SCFD1: variants seen among roughly 807,000 people sequenced by gnomAD.
SCFD1 encodes the protein sec1 family domain containing 1.
A neutral mutation model predicts 103.2 loss-of-function variants in SCFD1; 37 were observed. That is an observed-to-expected ratio of 0.36 (90% CI 0.28 to 0.47). The LOEUF (loss-of-function observed/expected upper bound fraction) is 0.47. SCFD1 is among the 20% of genes least tolerant of loss of function. The probability of loss-of-function intolerance (pLI) is 1.00; values close to 1 mark genes in which losing one functional copy is unlikely to be tolerated. For missense variants in SCFD1, 639 were observed against 761.2 expected, an observed-to-expected ratio of 0.84 and a Z score of 1.89; for synonymous variants, 264 against 245.0, an observed-to-expected ratio of 1.08 and a Z score of -0.73.
At chr14:30,638,303 C>A in intron 5 of SCFD1, 56 bp downstream of exon 5, 1 of 1,608,618 alleles carries the variant, frequency 6.2e-7, no homozygotes. Flanking sequence ...TAACACTGTT[C>A]TGAAACCCGT....
chr14:30,682,742 T>G (rs1224853677), intron 14 of SCFD1, among the ~76,000 whole-genome samples: 6 of 152,116 alleles, frequency 3.9e-5, no homozygotes, highest in Non-Finnish European at 8.8e-5. Flanking sequence ...GAATTAAACA[T>G]GTGAAGAAGT....
intron 14 of SCFD1, among the ~76,000 whole-genome samples, chr14:30,684,215 T>TACC (rs1446544224): frequency 6.6e-6 from 1 of 152,240 alleles, no homozygotes; most frequent in East Asian, 1.9e-4. Context: ...AAGTCTATGT[T>TACC]ACCCAGGCTG....
At chr14:30,627,223 C>A (rs1883562413) in intron 1 of SCFD1, among the ~76,000 whole-genome samples, 1 of 152,090 alleles carries the variant, frequency 6.6e-6, no homozygotes, top group Admixed American at 6.5e-5. Flanking sequence ...CTGTAACAGA[C>A]CCGTAACTGT....
chr14:30,633,673 A>G (rs229153), intron 3 of SCFD1, among the ~76,000 whole-genome samples: 1,764 of 152,242 alleles, frequency 0.012, 33 homozygotes, highest in African/African-American at 0.04. Context: ...ATTCAAGGAG[A>G]GTGTTGGTAG....
At chr14:30,650,179 C>T (rs1886264244) in intron 8 of SCFD1, among the ~76,000 whole-genome samples, 1 of 152,140 alleles carries the variant, frequency 6.6e-6, no homozygotes, top group Non-Finnish European at 1.5e-5. Flanking sequence ...GCTTCTTGTA[C>T]CCACCACTAC....
chr14:30,703,483 T>G (rs1891214474), intron 17 of SCFD1, among the ~76,000 whole-genome samples: 1 of 151,514 alleles, frequency 6.6e-6, no homozygotes, highest in Non-Finnish European at 1.5e-5. Flanking sequence ...TAATTCCAAA[T>G]AGTAGAATTT....
intron 14 of SCFD1, chr14:30,682,969 C>G: frequency 1.4e-6 from 1 of 702,406 alleles, no homozygotes; most frequent in Non-Finnish European, 2.3e-6. Flanking sequence ...AGAGTCTATA[C>G]AGAAATCACA....
intron 3 of SCFD1, among the ~76,000 whole-genome samples, chr14:30,632,218 G>T (rs1884245836): frequency 6.6e-6 from 1 of 152,010 alleles, no homozygotes; most frequent in African/African-American, 2.4e-5. Flanking sequence ...ATATTGAATT[G>T]AAATGTACTC....
chr14:30,692,719 G>T (rs993693687), intron 14 of SCFD1, among the ~76,000 whole-genome samples: 10 of 152,094 alleles, frequency 6.6e-5, no homozygotes, highest in Admixed American at 3.9e-4. Context: ...TGGATCAGAG[G>T]GCCTGAAAGT....
chr14:30,673,353 A>G lies in SCFD1; in HGVS notation c.1086+6A>G, dbSNP rs770557122. The G allele has an allele frequency of 7.0e-7, 1 of 1,438,244 alleles. No homozygotes were observed. Among genetic ancestry groups the G allele is most frequent in the African/African-American group, 1.4e-5 (1 of 71,458 alleles). 89.1% of individuals were successfully genotyped at this position (1,438,244 alleles called of 1,614,324 possible). A position where few individuals can be genotyped will look rare whatever the true frequency, so the allele number is the denominator to read the frequency against. On this transcript the variant is annotated splice_donor_region_variant and intron_variant, in intron 12 of 24. Transcript: ENST00000458591. Reference sequence around the variant, plus strand: ...AACGACTTAAAAGCATTATGGTAAGATTCTATTTGCTTTCTAAGAATTATA... The same window carrying G: ...AACGACTTAAAAGCATTATGGTAAGGTTCTATTTGCTTTCTAAGAATTATA...
In SCFD1 at chr14:30,734,214, G is replaced by C. The variant is rs953273092; in HGVS notation, c.1837-576G>C. Among the ~76,000 whole-genome samples the C allele has an allele frequency of 7.2e-5, 11 of 152,230 alleles. No homozygotes were observed. In the South Asian group the frequency reaches 1.5e-3, roughly 20 times the overall value. ...AAGAAATCTCATGAATTTACCTTCA[G>C]GTTCACGATACATACAAGAAATTAG... On this transcript the variant is annotated intron_variant, in intron 23 of 24. Coordinates refer to ENST00000458591, the MANE Select transcript of SCFD1 (RefSeq NM_016106.4).
At position 30,673,309 on chromosome 14, in the gene SCFD1, G is replaced by A; in HGVS notation, c.1048G>A (p.Ala350Thr). The change falls in exon 12 of 25, where the codon GCA becomes ACA. Residue 350 changes from alanine (A) to threonine (T), a missense_variant. Coordinates refer to ENST00000458591, the MANE Select transcript of SCFD1 (RefSeq NM_016106.4). ...SVQQELESYRAQEDEVKRLKS... is the reference protein window; with the variant it reads ...SVQQELESYRTQEDEVKRLKS... ...TCAGCAAGAACTAGAATCTTACAGA[G>A]CACAGGAAGATGAGGTCAAACGACT... is the stretch of plus-strand genomic sequence containing the variant. The A allele has an allele frequency of 1.9e-6, 3 of 1,598,732 alleles. No individual in the cohort carries two copies. The highest frequency in any genetic ancestry group is 2.6e-6 in the Non-Finnish European group (3 of 1,170,538).
chr14:30,710,000 C>T (rs1264333141), intron 19 of SCFD1, among the ~76,000 whole-genome samples: 1 of 152,084 alleles, frequency 6.6e-6, no homozygotes, highest in Admixed American at 6.6e-5. Context: ...AAATTACAGA[C>T]TTTAACCTTT....
intron 10 of SCFD1, among the ~76,000 whole-genome samples, chr14:30,659,570 C>T (rs1386165930): frequency 6.6e-6 from 1 of 152,058 alleles, no homozygotes; most frequent in Non-Finnish European, 1.5e-5. Context: ...TGCATATGGC[C>T]GGCAATGTAT....
intron 23 of SCFD1, among the ~76,000 whole-genome samples, chr14:30,733,965 A>G (rs1363996143): frequency 6.6e-6 from 1 of 152,192 alleles, no homozygotes; most frequent in Admixed American, 6.5e-5. Context: ...GTTAGCCACA[A>G]GAATCCCAAT....
At chr14:30,670,813 G>T (rs1262687503) in intron 11 of SCFD1, among the ~76,000 whole-genome samples, 1 of 151,946 alleles carries the variant, frequency 6.6e-6, no homozygotes, top group Non-Finnish European at 1.5e-5. Flanking sequence ...AAGCCTAAAA[G>T]CCTAGAAATT....
chr14:30,678,138 G>A (rs989231215), intron 14 of SCFD1, among the ~76,000 whole-genome samples: 4 of 151,914 alleles, frequency 2.6e-5, no homozygotes, highest in South Asian at 2.1e-4. Context: ...GCGCCTGGCC[G>A]TAAATATTTT....
At chr14:30,721,339 C>T (rs1394470123) in intron 21 of SCFD1, among the ~76,000 whole-genome samples, 1 of 152,122 alleles carries the variant, frequency 6.6e-6, no homozygotes, top group Non-Finnish European at 1.5e-5. Flanking sequence ...TCTAGACTCG[C>T]AAAAGCTTTG....
At chr14:30,707,718 T>A in intron 18 of SCFD1, 1 of 415,240 alleles carries the variant, frequency 2.4e-6, no homozygotes, top group Admixed American at 3.4e-5. Context: ...GAAATTAAGA[T>A]GTTTATTTTG....
Sources: allele counts gnomAD v4.1 joint callset (sites outside exome capture counted in the v4.1 genomes callset), GRCh38; gene constraint gnomAD v4.1.1; transcripts MANE v1.5; gene names NCBI Gene and HGNC (gene_info 2026-07-23, HGNC 2026-07-21).